The following HDAC8 variants were observed in gnomAD, a reference collection of about 807,000 sequenced individuals.
HDAC8 encodes the protein histone deacetylase 8, also known as histone deacetylase-like 1.
In HDAC8, 1 loss-of-function variant was observed where a neutral mutation model predicts 32.2. That is an observed-to-expected ratio of 0.03 (90% CI 0.01 to 0.15). The LOEUF (loss-of-function observed/expected upper bound fraction) is 0.15. Ranked by LOEUF, HDAC8 falls within the 10% of genes least tolerant of loss-of-function variation. HDAC8 has a pLI of 1.00. For synonymous variants in HDAC8, 108 were observed against 113.9 expected (o/e 0.95, Z 0.33); for missense variants, 117 against 300.0 (o/e 0.39, Z 4.51).
intron 4 of HDAC8, among the ~76,000 whole-genome samples, chrX:72,560,565 TAA>T (rs147846647): frequency 0.016 from 560 of 35,222 alleles, 7 homozygotes; most frequent in African/African-American, 0.056. Flanking sequence ...CAATAAATAC[TAA>T]AAAAAAAAAA....
At chrX:72,430,404 G>A (rs1023753682) in intron 9 of HDAC8, among the ~76,000 whole-genome samples, 1 of 112,315 alleles carries the variant, frequency 8.9e-6, no homozygotes, top group Admixed American at 9.4e-5. Context: ...TTGAAACGCC[G>A]TCTAGAAAAA....
At chrX:72,365,799 G>A (rs1467856962) in intron 9 of HDAC8, among the ~76,000 whole-genome samples, 1 of 111,794 alleles carries the variant, frequency 8.9e-6, no homozygotes, top group Non-Finnish European at 1.9e-5. Flanking sequence ...GAGGGGAAAA[G>A]CCATGGATGG....
At chrX:72,352,351 C>G (rs2044207785) in intron 9 of HDAC8, among the ~76,000 whole-genome samples, 1 of 111,813 alleles carries the variant, frequency 8.9e-6, no homozygotes, top group Non-Finnish European at 1.9e-5. Flanking sequence ...GTTGGTACTT[C>G]TTTCAGGGCC....
intron 9 of HDAC8, among the ~76,000 whole-genome samples, chrX:72,376,456 C>T (rs782720275): frequency 1.6e-4 from 18 of 111,752 alleles, no homozygotes; most frequent in South Asian, 7.5e-4. Context: ...CTCACTCTGT[C>T]GCCCAGAGCT....
At chrX:72,417,043 T>C (rs981873555) in intron 9 of HDAC8, among the ~76,000 whole-genome samples, 5 of 111,460 alleles carry the variant, frequency 4.5e-5, no homozygotes, top group Non-Finnish European at 7.6e-5. Flanking sequence ...ACTGTGACCA[T>C]TTTAAGTGTA....
At chrX:72,406,710 T>A (rs1228636511) in intron 9 of HDAC8, among the ~76,000 whole-genome samples, 1 of 112,584 alleles carries the variant, frequency 8.9e-6, no homozygotes, top group Non-Finnish European at 1.9e-5. Context: ...TTCCTTGCTG[T>A]CAGTCCCCAG....
At chrX:72,469,510 T>C (rs1210194185) in intron 7 of HDAC8, among the ~76,000 whole-genome samples, 3 of 112,302 alleles carry the variant, frequency 2.7e-5, no homozygotes, top group African/African-American at 9.7e-5. Flanking sequence ...AGAATATGAT[T>C]AGTCATTTTG....
At chrX:72,364,330 T>A (rs1260555704) in intron 9 of HDAC8, among the ~76,000 whole-genome samples, 1 of 111,372 alleles carries the variant, frequency 9.0e-6, no homozygotes, top group Non-Finnish European at 1.9e-5. Context: ...CTCTCTTCTT[T>A]CTCTTTGCAG....
intron 9 of HDAC8, among the ~76,000 whole-genome samples, chrX:72,381,801 G>T (rs577588073): frequency 1.4e-4 from 16 of 112,329 alleles, no homozygotes; most frequent in Non-Finnish European, 7.5e-5. Context: ...ACTTGGAATA[G>T]AAATTCCTAT....
At chrX:72,337,288 T>C (rs1335348838) in intron 10 of HDAC8, among the ~76,000 whole-genome samples, 1 of 112,290 alleles carries the variant, frequency 8.9e-6, no homozygotes, top group East Asian at 2.8e-4. Context: ...ACTAGTCACA[T>C]GTGGCTATTG....
At chrX:72,535,462 A>C (rs1156369667) in intron 4 of HDAC8, among the ~76,000 whole-genome samples, 3 of 111,163 alleles carry the variant, frequency 2.7e-5, no homozygotes, top group Non-Finnish European at 3.8e-5. Context: ...GACAGTACTC[A>C]TAATCTGGTT....
At chrX:72,362,766 T>A (rs2044593040) in intron 9 of HDAC8, among the ~76,000 whole-genome samples, 1 of 112,354 alleles carries the variant, frequency 8.9e-6, no homozygotes, top group South Asian at 3.7e-4. Flanking sequence ...ATTGGATTTC[T>A]TTACAAATGT....
chrX:72,357,119 A>C (rs1342086957), intron 9 of HDAC8, among the ~76,000 whole-genome samples: 1 of 109,393 alleles, frequency 9.1e-6, no homozygotes, highest in Non-Finnish European at 1.9e-5. Context: ...TTAAACAGTA[A>C]ATTGCATGTG....
At chrX:72,518,513 C>T (rs1238376482) in intron 4 of HDAC8, among the ~76,000 whole-genome samples, 1 of 111,663 alleles carries the variant, frequency 9.0e-6, no homozygotes, top group African/African-American at 3.3e-5. Flanking sequence ...TCCCTGCACA[C>T]AGCTTTCCCT....
At chrX:72,571,876 TTTC>T in intron 2 of HDAC8, 178 bp downstream of exon 2, 1 of 417,810 alleles carries the variant, frequency 2.4e-6, no homozygotes, top group Non-Finnish European at 4.0e-6. Flanking sequence ...CCCCCCAAGT[TTTC>T]TTAATTCTTC....
intron 9 of HDAC8, among the ~76,000 whole-genome samples, chrX:72,461,328 C>T (rs970128365): frequency 8.9e-6 from 1 of 111,900 alleles, no homozygotes; most frequent in African/African-American, 3.3e-5. Context: ...TAGGGATTAT[C>T]AGCACACTCA....
At chrX:72,344,668 A>T (rs1555946316) in intron 10 of HDAC8, among the ~76,000 whole-genome samples, 1 of 111,863 alleles carries the variant, frequency 8.9e-6, no homozygotes, top group Non-Finnish European at 1.9e-5. Context: ...CCCTCCCCCA[A>T]GAGCTTCCCA....
chrX:72,515,226 C>A (rs1765770613), intron 4 of HDAC8, among the ~76,000 whole-genome samples: 2 of 111,002 alleles, frequency 1.8e-5, no homozygotes, highest in South Asian at 7.8e-4. Context: ...CTGGTAACCG[C>A]CATTCTTTTC....
intron 10 of HDAC8, among the ~76,000 whole-genome samples, chrX:72,340,561 C>T (rs2043860980): frequency 2.2e-5 from 1 of 44,563 alleles, no homozygotes; most frequent in Admixed American, 2.0e-4. Context: ...CGCTCTCTTG[C>T]ACAAAAAACC....
Sources: gnomAD v4.1 joint callset for allele counts (sites outside exome capture counted in the v4.1 genomes callset) on GRCh38, gnomAD v4.1.1 for gene constraint, MANE v1.5 for transcripts, NCBI Gene and HGNC (gene_info 2026-07-23, HGNC 2026-07-21) for gene names.